CNTN5: variants seen among roughly 807,000 people sequenced by gnomAD.
The protein encoded by CNTN5 is contactin 5.
A neutral mutation model predicts 129.1 loss-of-function variants in CNTN5; 77 were observed. That is an observed-to-expected ratio of 0.60 (90% confidence interval 0.50 to 0.72). The LOEUF is 0.72. CNTN5 is among the 30% of genes least tolerant of loss of function. CNTN5 has a pLI of 0.00. For synonymous variants in CNTN5, 509 were observed against 465.6 expected (o/e 1.09, Z -1.20); for missense variants, 1,478 against 1,328.8 (o/e 1.11, Z -1.75).
At chr11:99,722,454 A>G (rs1277140899) in intron 3 of CNTN5, among the ~76,000 whole-genome samples, 1 of 151,932 alleles carries the variant, frequency 6.6e-6, no homozygotes, top group African/African-American at 2.4e-5. Context: ...CACAAAGACG[A>G]AAATAGACAC....
At chr11:99,129,454 G>GGCTATA (rs1565340701) in intron 1 of CNTN5, among the ~76,000 whole-genome samples, 30 of 152,064 alleles carry the variant, frequency 2.0e-4, no homozygotes, top group South Asian at 1.9e-3. Context: ...TGAGAACTAT[G>GGCTATA]GGACTATGTA....
rs147865636 is a variant in CNTN5, at chr11:99,383,200, G to C, written c.-71+57716G>C. 7.1e-3 allele frequency among the ~76,000 whole-genome samples: 1,076 copies of C among 152,106 alleles called. 12 individuals are homozygous for C. Among genetic ancestry groups the C allele is most frequent in the Non-Finnish European group, 0.011 (728 of 67,980 alleles). ...CTAAATATATTGTTATGAAAATGAA[G>C]TGGCTATCATTTTTATCAGTAGTCT... On this transcript the variant is annotated intron_variant, in intron 2 of 24. Coordinates refer to ENST00000524871, the MANE Select transcript of CNTN5 (RefSeq NM_014361.4).
chr11:100,093,831 C>A (rs989927632), intron 13 of CNTN5, among the ~76,000 whole-genome samples: 6 of 152,024 alleles, frequency 3.9e-5, no homozygotes, highest in African/African-American at 1.4e-4. Flanking sequence ...CTAGGTGGAT[C>A]CCCATGATCT....
intron 6 of CNTN5, among the ~76,000 whole-genome samples, chr11:99,883,139 C>T (rs1343670141): frequency 6.6e-6 from 1 of 152,192 alleles, no homozygotes. Flanking sequence ...ACTTAGGTTG[C>T]TTTCAAATCT....
rs57363059 is a variant in CNTN5, at chr11:99,373,711, CAAA to C, written c.-71+48248_-71+48250del. 8.1e-3 allele frequency among the ~76,000 whole-genome samples: 781 copies of C among 95,944 alleles called. 7 individuals are homozygous for C. Among genetic ancestry groups the C allele is most frequent in the African/African-American group, 0.028 (679 of 23,860 alleles). The allele number at this position is 95,944 out of a possible 152,430, so 62.9% of individuals were successfully genotyped here. The stretch of plus-strand genomic sequence containing the variant: ...CTGGGAAACGAGGAAAACTCCGTCT[CAAA>C]AAAAAAAAAAAAAAAAAAAATTAAC... On this transcript the variant is annotated intron_variant, in intron 2 of 24. Coordinates refer to ENST00000524871, the MANE Select transcript of CNTN5 (RefSeq NM_014361.4).
intron 3 of CNTN5, among the ~76,000 whole-genome samples, chr11:99,744,314 C>G (rs140547478): frequency 2.3e-3 from 345 of 151,782 alleles, no homozygotes; most frequent in Non-Finnish European, 3.9e-3. Context: ...AAACCTCTGG[C>G]CCCCACAAAC....
At chr11:99,289,774 G>C (rs1292256690) in intron 1 of CNTN5, among the ~76,000 whole-genome samples, 2 of 151,582 alleles carry the variant, frequency 1.3e-5, no homozygotes, top group Non-Finnish European at 3.0e-5. Context: ...ATTTTACCTG[G>C]CTATGAATGA....
chr11:100,284,830 A>G (rs1019385388), intron 18 of CNTN5, among the ~76,000 whole-genome samples: 2 of 152,238 alleles, frequency 1.3e-5, no homozygotes, highest in Admixed American at 1.3e-4. Context: ...ATATACACAC[A>G]TGAATAAATA....
At position 99,312,378 on chromosome 11, in the gene CNTN5, C is replaced by T. The variant is rs576532580; in HGVS notation, c.-209-12968C>T. 1.2e-3 allele frequency among the ~76,000 whole-genome samples: 178 copies of T among 151,982 alleles called. 1 individual carries two copies. The highest frequency in any genetic ancestry group is 3.7e-3 in the African/African-American group (153 of 41,462). On this transcript the variant is annotated intron_variant, in intron 1 of 24. Coordinates refer to ENST00000524871, the MANE Select transcript of CNTN5 (RefSeq NM_014361.4). ...AAATTATATATCCTGTATGAGCCTT[C>T]GATTCTTTATGTGTTAAAAAAATAA...
chr11:100,098,118 A>G (rs1394339646), intron 13 of CNTN5, among the ~76,000 whole-genome samples: 1 of 152,066 alleles, frequency 6.6e-6, no homozygotes, highest in Admixed American at 6.6e-5. Flanking sequence ...CATTTTCATT[A>G]GTGCTTAAGT....
intron 16 of CNTN5, among the ~76,000 whole-genome samples, chr11:100,248,686 C>G (rs1949898528): frequency 6.6e-6 from 1 of 152,116 alleles, no homozygotes; most frequent in Non-Finnish European, 1.5e-5. Context: ...CAGAATTTCA[C>G]AGAAAATATG....
chr11:99,364,446 T>C (rs570352590), intron 2 of CNTN5, among the ~76,000 whole-genome samples: 1 of 152,214 alleles, frequency 6.6e-6, no homozygotes, highest in South Asian at 2.1e-4. Flanking sequence ...TAAGCTTACC[T>C]CCTTGCTAAA....
At chr11:99,732,368 AATAC>A (rs1943563519) in intron 3 of CNTN5, among the ~76,000 whole-genome samples, 1 of 152,232 alleles carries the variant, frequency 6.6e-6, no homozygotes, top group East Asian at 1.9e-4. Flanking sequence ...TGGAAGCAGA[AATAC>A]ATTTTAAAAA....
intron 3 of CNTN5, among the ~76,000 whole-genome samples, chr11:99,630,110 A>G (rs1490717871): frequency 6.6e-6 from 1 of 151,978 alleles, no homozygotes; most frequent in African/African-American, 2.4e-5. Context: ...TAGGTATATA[A>G]TTAAATAAAT....
chr11:99,354,071 C>T (rs902260184), intron 2 of CNTN5, among the ~76,000 whole-genome samples: 2 of 152,148 alleles, frequency 1.3e-5, no homozygotes, highest in African/African-American at 2.4e-5. Context: ...CATCCTAAGA[C>T]ATCAATCAAA....
intron 3 of CNTN5, among the ~76,000 whole-genome samples, chr11:99,670,969 G>T (rs948226884): frequency 1.3e-5 from 2 of 152,038 alleles, no homozygotes; most frequent in South Asian, 2.1e-4. Flanking sequence ...CCTTATTCTG[G>T]ACCACTGTTT....
At chr11:99,241,901 T>C (rs1861578528) in intron 1 of CNTN5, among the ~76,000 whole-genome samples, 1 of 152,070 alleles carries the variant, frequency 6.6e-6, no homozygotes. Flanking sequence ...ATATGTGTCT[T>C]TGATGATGGA....
chr11:99,678,149 C>CA (rs1440423488), intron 3 of CNTN5, among the ~76,000 whole-genome samples: 1 of 152,068 alleles, frequency 6.6e-6, no homozygotes, highest in Non-Finnish European at 1.5e-5. Context: ...TATCACTACA[C>CA]ACACACATTA....
rs190813467 is a variant in CNTN5, at chr11:99,208,870, C to A, written c.-209-116476C>A. Among the ~76,000 whole-genome samples, 287 of 151,984 alleles carry A rather than the reference C, an allele frequency of 1.9e-3. 1 individual carries two copies. Among genetic ancestry groups the A allele is most frequent in the African/African-American group, 6.7e-3 (276 of 41,466 alleles). On this transcript the variant is annotated intron_variant, in intron 1 of 24. Coordinates refer to ENST00000524871, the MANE Select transcript of CNTN5 (RefSeq NM_014361.4). Reference sequence around the variant, plus strand: ...ACTGGAAGAAATTTGGCATAAAATGCCTTGTTTATTAAAGATTAAGAGAAA... The same window carrying A: ...ACTGGAAGAAATTTGGCATAAAATGACTTGTTTATTAAAGATTAAGAGAAA...
Sources: gnomAD v4.1 joint callset for allele counts (sites outside exome capture counted in the v4.1 genomes callset) on GRCh38, gnomAD v4.1.1 for gene constraint, MANE v1.5 for transcripts, NCBI Gene and HGNC (gene_info 2026-07-23, HGNC 2026-07-21) for gene names.